Variants in PAM observed in about 807,000 individuals in gnomAD.
The protein encoded by PAM is peptidylglycine alpha-amidating monooxygenase.
Under a neutral mutation model 122.1 loss-of-function variants are expected in PAM, and 72 were observed. The ratio of observed to expected loss-of-function variants is 0.59; its 90% CI spans 0.49 to 0.72. The LOEUF is 0.72. PAM is among the 30% of genes least tolerant of loss of function. The pLI, the probability that PAM is intolerant of heterozygous loss-of-function variation, is 0.00. For synonymous variants in PAM, 389 were observed against 404.4 expected (o/e 0.96, Z 0.46); for missense variants, 1,106 against 1,183.7 (o/e 0.93, Z 0.96).
Position 102,866,150 on chromosome 5 carries a change from G to C in PAM, c.-46G>C, listed in dbSNP as rs779784989. The C allele has an allele frequency of 8.7e-6, 12 of 1,385,146 alleles. No individual in the cohort carries two copies. The East Asian group carries it at 2.8e-4, about 32-fold the overall frequency. The allele number at this position is 1,385,146 out of a possible 1,614,324, so 85.8% of individuals were successfully genotyped here. A position where few individuals can be genotyped will look rare whatever the true frequency, so the allele number is the denominator to read the frequency against. ...GCCCAACCGCCAGCCCCAGCCCCGC[G>C]CTGCGCTGCCCGGTCCTCTCCCGGC... On this transcript the variant is annotated 5_prime_UTR_variant, in exon 2 of 26. Transcript: ENST00000438793.
chr5:102,809,623 C>A lies in PAM; in HGVS notation c.-374+54275C>A, dbSNP rs796655506. 3.3e-5 allele frequency among the ~76,000 whole-genome samples: 5 copies of A among 152,246 alleles called. 1 individual carries two copies. The highest frequency in any genetic ancestry group is 1.2e-4 in the African/African-American group (5 of 41,568). ...AATGTCTAAAATTTGCATTTTGTTT[C>A]TTGTATTTTTGAAGCCTTTTTAAAT... is the stretch of plus-strand genomic sequence containing the variant. On this transcript the variant is annotated intron_variant, in intron 1 of 25. Coordinates refer to ENST00000438793, the MANE Select transcript of PAM (RefSeq NM_001177306.2).
intron 1 of PAM, among the ~76,000 whole-genome samples, chr5:102,832,393 T>C (rs1775728871): frequency 6.6e-6 from 1 of 152,016 alleles, no homozygotes; most frequent in Non-Finnish European, 1.5e-5. Context: ...TTCCCCCTTA[T>C]CCACAGAAGA....
intron 16 of PAM, among the ~76,000 whole-genome samples, chr5:102,999,224 C>G (rs1200177518): frequency 2.6e-5 from 4 of 152,200 alleles, no homozygotes; most frequent in Admixed American, 2.6e-4. Flanking sequence ...CCATCCAAGT[C>G]CAGAATCCAG....
chr5:102,815,606 G>A (rs1769518530), intron 1 of PAM, among the ~76,000 whole-genome samples: 1 of 151,990 alleles, frequency 6.6e-6, no homozygotes, highest in Non-Finnish European at 1.5e-5. Flanking sequence ...CTTTTAAAAT[G>A]AAGTCCCTAT....
intron 1 of PAM, among the ~76,000 whole-genome samples, chr5:102,844,727 G>A (rs1779543278): frequency 6.6e-6 from 1 of 151,982 alleles, no homozygotes; most frequent in South Asian, 2.1e-4. Context: ...TTAAACACAA[G>A]GGAAAAGTAA....
intron 1 of PAM, among the ~76,000 whole-genome samples, chr5:102,845,171 A>G (rs80231331): frequency 6.6e-6 from 1 of 152,220 alleles, no homozygotes; most frequent in Non-Finnish European, 1.5e-5. Context: ...AACTAAGGTG[A>G]CTTTTAAAAT....
intron 1 of PAM, among the ~76,000 whole-genome samples, chr5:102,850,921 AAATT>A (rs1319489842): frequency 5.9e-5 from 9 of 152,194 alleles, no homozygotes; most frequent in Non-Finnish European, 1.3e-4. Context: ...TCTCAAATTC[AAATT>A]AATTAATTGG....
intron 12 of PAM, among the ~76,000 whole-genome samples, chr5:102,952,535 T>C (rs574401215): frequency 8.5e-4 from 129 of 151,862 alleles, no homozygotes; most frequent in African/African-American, 3.0e-3. Flanking sequence ...GGTGAGTCCA[T>C]ATTCTGAATA....
chr5:103,006,701 G>T, intron 18 of PAM, 100 bp from the exon 19 acceptor site: 1 of 747,350 alleles, frequency 1.3e-6, no homozygotes, highest in Non-Finnish European at 2.3e-6. Flanking sequence ...GTCTCTGGGA[G>T]CTTCTACTCC....
chr5:102,971,774 T>C (rs1007478496), intron 14 of PAM, among the ~76,000 whole-genome samples: 3 of 152,188 alleles, frequency 2.0e-5, no homozygotes, highest in African/African-American at 7.2e-5. Context: ...ATTTTCTAAA[T>C]AAACATCTTA....
intron 1 of PAM, among the ~76,000 whole-genome samples, chr5:102,865,039 G>A (rs533858429): frequency 1.3e-5 from 2 of 152,270 alleles, no homozygotes; most frequent in East Asian, 3.9e-4. Flanking sequence ...CATTTGGGGG[G>A]CAGCTAAGAT....
At chr5:102,995,076 C>T (rs1014377377) in intron 16 of PAM, among the ~76,000 whole-genome samples, 4 of 152,076 alleles carry the variant, frequency 2.6e-5, no homozygotes, top group African/African-American at 9.7e-5. Context: ...GTAGAAAAAT[C>T]AGTTCAAGAT....
chr5:102,794,123 C>A (rs1016599683), intron 1 of PAM, among the ~76,000 whole-genome samples: 3 of 152,154 alleles, frequency 2.0e-5, no homozygotes, highest in African/African-American at 7.2e-5. Context: ...TTTTATAGAA[C>A]TATTTTAATG....
chr5:102,962,864 C>G (rs1221656483), intron 14 of PAM, among the ~76,000 whole-genome samples: 1 of 151,626 alleles, frequency 6.6e-6, no homozygotes, highest in Admixed American at 6.6e-5. Context: ...TGAACATTAT[C>G]TATATACCCA....
At chr5:102,853,645 C>T (rs1180041054) in intron 1 of PAM, among the ~76,000 whole-genome samples, 1 of 152,212 alleles carries the variant, frequency 6.6e-6, no homozygotes, top group Admixed American at 6.5e-5. Flanking sequence ...TTTGGTAGAG[C>T]ATTTATCAAT....
chr5:102,801,640 T>C (rs1764726933), intron 1 of PAM, among the ~76,000 whole-genome samples: 1 of 152,218 alleles, frequency 6.6e-6, no homozygotes, highest in African/African-American at 2.4e-5. Context: ...GCTGGTCTTC[T>C]TAGGCTGCAG....
At chr5:102,975,415 A>G (rs1276519259) in intron 15 of PAM, among the ~76,000 whole-genome samples, 2 of 152,222 alleles carry the variant, frequency 1.3e-5, no homozygotes, top group African/African-American at 4.8e-5. Flanking sequence ...AGCATAGTCC[A>G]TTGGTACTGG....
intron 5 of PAM, among the ~76,000 whole-genome samples, chr5:102,917,975 A>AT (rs1367926705): frequency 6.6e-6 from 1 of 152,184 alleles, no homozygotes; most frequent in Non-Finnish European, 1.5e-5. Flanking sequence ...AGCAGCTCAC[A>AT]TTGGCAATGT....
At chr5:102,806,816 A>G (rs1766360655) in intron 1 of PAM, among the ~76,000 whole-genome samples, 1 of 152,216 alleles carries the variant, frequency 6.6e-6, no homozygotes, top group South Asian at 2.1e-4. Context: ...CTATATGGGA[A>G]TGAAAAGCCC....
Sources: gnomAD v4.1 joint callset for allele counts (sites outside exome capture counted in the v4.1 genomes callset) on GRCh38, gnomAD v4.1.1 for gene constraint, MANE v1.5 for transcripts, NCBI Gene and HGNC (gene_info 2026-07-23, HGNC 2026-07-21) for gene names.